Variants in VAV3 observed in about 807,000 individuals in gnomAD.
VAV3 encodes vav guanine nucleotide exchange factor 3.
A neutral mutation model predicts 131.2 loss-of-function variants in VAV3; 94 were observed. That is an observed-to-expected ratio of 0.72 (90% confidence interval 0.61 to 0.85). The LOEUF is 0.85. Ranked by LOEUF, VAV3 falls within the 40% of genes least tolerant of loss-of-function variation. The pLI is 0.00. For synonymous variants in VAV3, 349 were observed against 342.0 expected, an observed-to-expected ratio of 1.02 and a Z score of -0.22; for missense variants, 939 against 1,002.7, an observed-to-expected ratio of 0.94 and a Z score of 0.86.
chr1:107,720,313 G>A (rs1284585187), intron 15 of VAV3, among the ~76,000 whole-genome samples: 1 of 151,622 alleles, frequency 6.6e-6, no homozygotes, highest in East Asian at 1.9e-4. Flanking sequence ...AGCCCAGGAT[G>A]TTGAGGCTGC....
At chr1:107,840,288 T>C (rs1316290597) in intron 2 of VAV3, among the ~76,000 whole-genome samples, 1 of 152,190 alleles carries the variant, frequency 6.6e-6, no homozygotes, top group Non-Finnish European at 1.5e-5. Flanking sequence ...GGTGCTTCAA[T>C]ATGCTAGAAA....
chr1:107,911,364 T>C (rs530404285), intron 1 of VAV3, among the ~76,000 whole-genome samples: 2 of 152,188 alleles, frequency 1.3e-5, no homozygotes, highest in Non-Finnish European at 2.9e-5. Flanking sequence ...AAAGAAATTA[T>C]GAGTTCAACA....
chr1:107,655,187 T>C (rs996158535), intron 19 of VAV3, among the ~76,000 whole-genome samples: 2 of 151,998 alleles, frequency 1.3e-5, no homozygotes, highest in Non-Finnish European at 2.9e-5. Context: ...ACAAATGGAA[T>C]AAAGCTGGAG....
At chr1:107,814,717 G>A (rs557665456) in intron 2 of VAV3, among the ~76,000 whole-genome samples, 143 of 152,270 alleles carry the variant, frequency 9.4e-4, no homozygotes, top group African/African-American at 3.2e-3. Flanking sequence ...GTGGCCTACA[G>A]TATTTCCCCT....
intron 2 of VAV3, among the ~76,000 whole-genome samples, chr1:107,803,794 GTTTC>G (rs1666934640): frequency 6.6e-6 from 1 of 151,964 alleles, no homozygotes; most frequent in African/African-American, 2.4e-5. Flanking sequence ...TAACTCTGCT[GTTTC>G]TTTGTTGATT....
At chr1:107,920,402 G>C (rs960833804) in intron 1 of VAV3, among the ~76,000 whole-genome samples, 12 of 152,200 alleles carry the variant, frequency 7.9e-5, no homozygotes, top group African/African-American at 1.2e-4. Context: ...TCCCCTAAAT[G>C]ATGAGGCTAA....
chr1:107,840,502 T>A (rs1433839758), intron 2 of VAV3, among the ~76,000 whole-genome samples: 2 of 152,188 alleles, frequency 1.3e-5, no homozygotes, highest in African/African-American at 2.4e-5. Flanking sequence ...AAATGCTCCA[T>A]TCCAGAGCAT....
intron 15 of VAV3, among the ~76,000 whole-genome samples, chr1:107,706,005 C>A (rs1020481352): frequency 5.9e-5 from 9 of 151,870 alleles, no homozygotes; most frequent in African/African-American, 2.2e-4. Flanking sequence ...TTACATTATT[C>A]TTGGCTTAGC....
rs12130719 is a variant in VAV3, at chr1:107,945,094, G to A, written c.204+19572C>T. Among the ~76,000 whole-genome samples, 850 of 152,250 alleles carry A rather than the reference G, an allele frequency of 5.6e-3. 6 individuals carry two copies. Among genetic ancestry groups the A allele is most frequent in the Non-Finnish European group, 9.9e-3 (672 of 68,020 alleles). On this transcript the variant is annotated intron_variant, in intron 1 of 26. Transcript: ENST00000370056. ...GCTATTTGGCTCAAGATGATTCTATGCCCAGCCACCTGGATGGTTTAGGTA... is the reference window on the plus strand; with the variant it reads ...GCTATTTGGCTCAAGATGATTCTATACCCAGCCACCTGGATGGTTTAGGTA...
intron 19 of VAV3, among the ~76,000 whole-genome samples, chr1:107,679,994 G>A (rs1195817914): frequency 2.6e-5 from 4 of 152,022 alleles, no homozygotes; most frequent in Non-Finnish European, 5.9e-5. Flanking sequence ...ACTTTTATTA[G>A]CACACAATAG....
intron 2 of VAV3, among the ~76,000 whole-genome samples, chr1:107,845,880 G>T (rs1358983826): frequency 6.6e-6 from 1 of 152,158 alleles, no homozygotes; most frequent in Non-Finnish European, 1.5e-5. Flanking sequence ...CACACTTCAG[G>T]ATATTATCCA....
chr1:107,801,233 G>A (rs1570972708), intron 2 of VAV3, among the ~76,000 whole-genome samples: 1 of 152,102 alleles, frequency 6.6e-6, no homozygotes, highest in East Asian at 1.9e-4. Context: ...ATATTTGGAA[G>A]TCAGATACTG....
At chr1:107,729,595 G>A (rs1450834434) in intron 15 of VAV3, among the ~76,000 whole-genome samples, 2 of 152,164 alleles carry the variant, frequency 1.3e-5, no homozygotes, top group African/African-American at 4.8e-5. Flanking sequence ...TCTGTGATGA[G>A]CTGTGTGGTT....
intron 15 of VAV3, among the ~76,000 whole-genome samples, chr1:107,745,558 C>T (rs1397960406): frequency 6.6e-6 from 1 of 152,152 alleles, no homozygotes; most frequent in African/African-American, 2.4e-5. Context: ...CTGCGAGAGA[C>T]AGAGGCTGAG....
chr1:107,692,666 GTC>G (rs1196197125), intron 17 of VAV3, among the ~76,000 whole-genome samples: 2 of 152,142 alleles, frequency 1.3e-5, no homozygotes, highest in Non-Finnish European at 2.9e-5. Flanking sequence ...CTAGGTAGCA[GTC>G]TCTCAGTTTT....
chr1:107,788,458 C>A (rs1666131323), intron 2 of VAV3, among the ~76,000 whole-genome samples: 1 of 152,046 alleles, frequency 6.6e-6, no homozygotes, highest in Non-Finnish European at 1.5e-5. Flanking sequence ...CAGCAGAGCA[C>A]AAAATTCACA....
intron 1 of VAV3, among the ~76,000 whole-genome samples, chr1:107,950,537 C>A (rs1344190093): frequency 6.6e-6 from 1 of 152,104 alleles, no homozygotes; most frequent in East Asian, 1.9e-4. Context: ...TGAGGCACTG[C>A]AAAGAGGTGA....
At chr1:107,865,038 C>G (rs553421342) in intron 2 of VAV3, among the ~76,000 whole-genome samples, 1 of 152,320 alleles carries the variant, frequency 6.6e-6, no homozygotes, top group Non-Finnish European at 1.5e-5. Context: ...AATTCACACT[C>G]TTCACCACAA....
intron 2 of VAV3, among the ~76,000 whole-genome samples, chr1:107,832,037 G>A (rs1668272697): frequency 8.0e-6 from 1 of 125,452 alleles, no homozygotes; most frequent in Non-Finnish European, 1.8e-5. Flanking sequence ...ACAACAAGAT[G>A]AGCATGAGCT....
Sources: gnomAD v4.1 joint callset for allele counts (sites outside exome capture counted in the v4.1 genomes callset) on GRCh38, gnomAD v4.1.1 for gene constraint, MANE v1.5 for transcripts, NCBI Gene and HGNC (gene_info 2026-07-23, HGNC 2026-07-21) for gene names.